The following IL21R variants were observed in gnomAD, a reference collection of about 807,000 sequenced individuals.
IL21R encodes the protein interleukin 21 receptor, also known as interleukin-21 receptor.
IL21R carries 14 observed loss-of-function variants against 41.3 expected under a neutral mutation model. The ratio of observed to expected loss-of-function variants is 0.34; its 90% CI spans 0.22 to 0.53. The LOEUF is 0.53. IL21R is among the 20% of genes least tolerant of loss of function. The probability of loss-of-function intolerance (pLI) is 0.94; values close to 1 mark genes in which losing one functional copy is unlikely to be tolerated. For missense variants in IL21R, 588 were observed against 681.6 expected, an observed-to-expected ratio of 0.86 and a Z score of 1.53; for synonymous variants, 286 against 287.6, an observed-to-expected ratio of 0.99 and a Z score of 0.05.
rs777584572 is a variant in IL21R at position 27,430,095 on chromosome 16, C to T, written c.24C>T (p.Pro8=). The T allele has an allele frequency of 6.2e-6, 10 of 1,605,360 alleles. No homozygotes were observed. In the South Asian group the frequency reaches 1.1e-4, roughly 18 times the overall value. The part of the protein sequence containing the change: MPRGWAA[P]LLLLLLQGGW... ...GCATGCCGCGTGGCTGGGCCGCCCC[C>T]TTGCTCCTGCTGCTGCTCCAGGGAG... The change falls in exon 2 of 9, where the codon CCC becomes CCT. Residue 8 remains proline, a synonymous_variant. Coordinates refer to ENST00000337929, the MANE Select transcript of IL21R (RefSeq NM_181078.3).
intron 2 of IL21R, 88 bp from the exon 3 acceptor site, chr16:27,434,259 C>A: frequency 3.5e-6 from 3 of 858,972 alleles, no homozygotes; most frequent in East Asian, 2.5e-5. Context: ...TGCACCCATT[C>A]TTCCTCCAGC....
intron 1 of IL21R, chr16:27,427,333 A>G (rs2087096312): frequency 1.0e-6 from 1 of 985,292 alleles, no homozygotes; most frequent in African/African-American, 1.7e-5. Flanking sequence ...CCCCCTCCAC[A>G]TCCCTAGGGC....
In IL21R at chr16:27,444,570, A is replaced by T; in HGVS notation, c.536A>T (p.Asp179Val). Reference protein sequence around the residue: ...VSPRRKLISVDSRSVSLLPLE... With the variant: ...VSPRRKLISVVSRSVSLLPLE... ...CCGAGGAGAAAGCTGATCTCAGTGG[A>T]CTCAAGAAGTGTCTCCCTCCTCCCC... Residue 179 changes from aspartate to valine, a missense_variant, in exon 6 of 9, where the codon GAC becomes GTC. Transcript: ENST00000337929. 6.5e-7 allele frequency: 1 copy of T among 1,545,374 alleles called. No homozygotes were observed. Among genetic ancestry groups the T allele is most frequent in the Admixed American group, 2.0e-5 (1 of 50,852 alleles).
Position 27,450,041 on chromosome 16 carries a change from A to C in IL21R, c.*758A>C, listed in dbSNP as rs1241153391. The C allele has an allele frequency of 8.6e-6, 2 of 232,640 alleles. No individual in the cohort carries two copies. The highest frequency in any genetic ancestry group is 1.7e-5 in the Non-Finnish European group (2 of 117,736). 14.4% of individuals were successfully genotyped at this position (232,640 alleles called of 1,614,324 possible). A position where few individuals can be genotyped will look rare whatever the true frequency, so the allele number is the denominator to read the frequency against. On this transcript the variant is annotated 3_prime_UTR_variant, in exon 9 of 9. Coordinates refer to ENST00000337929, the MANE Select transcript of IL21R (RefSeq NM_181078.3). ...GTCACCCGTGTACGGTACGCAGCCC[A>C]GAGCAGACCCTCAATAAACGTCAGC...
rs60330499 is a variant in IL21R, at chr16:27,438,929, G to GGTGTGTGT, written c.352+1261_352+1268dup. Reference sequence around the variant, plus strand: ...AGGGCCTGGGAGGTGGCTTTGGCATGGTGTGTGTGTGTGTGTGTGTGTGTG... The same window carrying GGTGTGTGT: ...AGGGCCTGGGAGGTGGCTTTGGCATGGTGTGTGTGTGTGTGTGTGTGTGTGTGTGTGTG... On this transcript the variant is annotated intron_variant, in intron 4 of 8. Coordinates refer to ENST00000337929, the MANE Select transcript of IL21R (RefSeq NM_181078.3). Among the ~76,000 whole-genome samples the GGTGTGTGT allele has an allele frequency of 2.8e-3, 416 of 149,122 alleles. 3 individuals carry two copies. Among genetic ancestry groups the GGTGTGTGT allele is most frequent in the South Asian group, 0.01 (47 of 4,690 alleles).
At position 27,430,635 on chromosome 16, in the gene IL21R, G is replaced by A. The variant is rs575356776; in HGVS notation, c.49+515G>A. Among the ~76,000 whole-genome samples, 7 of 152,252 alleles carry A rather than the reference G, an allele frequency of 4.6e-5. No individual in the cohort carries two copies. The South Asian group carries it at 1.5e-3, about 32-fold the overall frequency. On this transcript the variant is annotated intron_variant, in intron 2 of 8. Transcript: ENST00000337929. ...TCTCAAGACCAGCCTGGGCAACATG[G>A]TGAAGCCCTGTCTCTACAAAAGAAA... is the stretch of plus-strand genomic sequence containing the variant.
chr16:27,429,454 T>C (rs976797145), intron 1 of IL21R, among the ~76,000 whole-genome samples: 1 of 152,032 alleles, frequency 6.6e-6, no homozygotes, highest in African/African-American at 2.4e-5. Context: ...AAGGGCAAAA[T>C]AGTCAGCAGT....
At chr16:27,445,342 T>G in intron 7 of IL21R, 66 bp downstream of exon 7, 1 of 1,003,222 alleles carries the variant, frequency 1.0e-6, no homozygotes, top group Non-Finnish European at 1.6e-6. Context: ...GTATGATACA[T>G]GCAGGGTTGG....
At chr16:27,421,693 A>C (rs1391937212) in intron 1 of IL21R, among the ~76,000 whole-genome samples, 3 of 152,068 alleles carry the variant, frequency 2.0e-5, no homozygotes, top group Non-Finnish European at 4.4e-5. Context: ...ATTTGTGTCT[A>C]TTAATCTTAT....
chr16:27,412,042 T>C (rs888991866), intron 1 of IL21R, among the ~76,000 whole-genome samples: 1 of 152,236 alleles, frequency 6.6e-6, no homozygotes, highest in Non-Finnish European at 1.5e-5. Flanking sequence ...TTCCCATATG[T>C]TTTCTTCTAG....
chr16:27,405,307 A>G (rs1187368403), intron 1 of IL21R, among the ~76,000 whole-genome samples: 1 of 152,292 alleles, frequency 6.6e-6, no homozygotes, highest in South Asian at 2.1e-4. Flanking sequence ...TGCTGGGATT[A>G]TAGACATGAG....
chr16:27,443,011 T>C lies in IL21R; in HGVS notation c.402T>C (p.Tyr134=), dbSNP rs56189419. The C allele has an allele frequency of 5.9e-5, 95 of 1,613,848 alleles. 1 individual carries two copies. Among genetic ancestry groups the C allele is most frequent in the African/African-American group, 1.6e-4 (12 of 74,916 alleles). ...TGACTGTGACCTTCTCAGGACAGTA[T>C]AATATCTCCTGGCGCTCAGATTACG... ...FNVTVTFSGQ[Y]NISWRSDYED... The change falls in exon 5 of 9, where the codon TAT becomes TAC. Residue 134 remains tyrosine, a synonymous_variant. Coordinates refer to ENST00000337929, the MANE Select transcript of IL21R (RefSeq NM_181078.3).
chr16:27,423,310 G>T (rs1233032319), intron 1 of IL21R, among the ~76,000 whole-genome samples: 1 of 151,952 alleles, frequency 6.6e-6, no homozygotes, highest in East Asian at 1.9e-4. Flanking sequence ...GCCAGAAGTG[G>T]AAGTCCCTCA....
intron 1 of IL21R, among the ~76,000 whole-genome samples, chr16:27,405,649 C>T (rs2086731255): frequency 6.6e-6 from 1 of 152,202 alleles, no homozygotes; most frequent in African/African-American, 2.4e-5. Context: ...CCTCCGGAGC[C>T]CCCGGACACG....
chr16:27,451,312 G>A lies in IL21R; in HGVS notation c.*2029G>A. 4.4e-6 allele frequency: 1 copy of A among 228,654 alleles called. No individual in the cohort carries two copies. Among genetic ancestry groups the A allele is most frequent in the Non-Finnish European group, 8.7e-6 (1 of 115,152 alleles). 14.2% of individuals were successfully genotyped at this position (228,654 alleles called of 1,614,324 possible). A position where few individuals can be genotyped will look rare whatever the true frequency, so the allele number is the denominator to read the frequency against. On this transcript the variant is annotated 3_prime_UTR_variant, in exon 9 of 9. Coordinates refer to ENST00000337929, the MANE Select transcript of IL21R (RefSeq NM_181078.3). The stretch of plus-strand genomic sequence containing the variant: ...TGGGTGGCGGAGGGGAACACAGATG[G>A]TTGGGGAAGGCCTGAGGCCAGATTG...
chr16:27,440,639 G>A (rs1442150745), intron 4 of IL21R, among the ~76,000 whole-genome samples: 1 of 152,210 alleles, frequency 6.6e-6, no homozygotes, highest in Non-Finnish European at 1.5e-5. Flanking sequence ...TGTGGGCACA[G>A]ACTGAACCTG....
At chr16:27,434,477 G>T (rs200179643) in intron 3 of IL21R, 28 bp downstream of exon 3, 5 of 1,450,614 alleles carry the variant, frequency 3.4e-6, no homozygotes, top group South Asian at 1.1e-5. Context: ...ACCAGTCCCC[G>T]GGGATGCAAT....
At chr16:27,441,484 T>A (rs1242023953) in intron 4 of IL21R, among the ~76,000 whole-genome samples, 1 of 152,178 alleles carries the variant, frequency 6.6e-6, no homozygotes, top group African/African-American at 2.4e-5. Flanking sequence ...GACCATCAGA[T>A]TGGCCTCCCA....
In IL21R at chr16:27,450,470, C is replaced by T; in HGVS notation, c.*1187C>T. 1 of 230,268 alleles carries T rather than the reference C, an allele frequency of 4.3e-6. No homozygotes were observed. The highest frequency in any genetic ancestry group is 8.6e-6 in the Non-Finnish European group (1 of 116,210). 14.3% of individuals were successfully genotyped at this position (230,268 alleles called of 1,614,324 possible). On this transcript the variant is annotated 3_prime_UTR_variant, in exon 9 of 9. Transcript: ENST00000337929. Reference sequence around the variant, plus strand: ...GCCAATAAATCCTGTCTTATTTGTTCATCCTGGAGAATTGAAGGGAGGTCA... The same window carrying T: ...GCCAATAAATCCTGTCTTATTTGTTTATCCTGGAGAATTGAAGGGAGGTCA...
Sources: allele counts gnomAD v4.1 joint callset (sites outside exome capture counted in the v4.1 genomes callset), GRCh38; gene constraint gnomAD v4.1.1; transcripts MANE v1.5; gene names NCBI Gene and HGNC (gene_info 2026-07-23, HGNC 2026-07-21).